The following DYM variants were observed in gnomAD, a reference collection of about 807,000 sequenced individuals.
DYM encodes the protein dymeclin, also known as dyggve-Melchior-Clausen syndrome protein.
A neutral mutation model predicts 93.1 loss-of-function variants in DYM; 78 were observed. That is an observed-to-expected ratio of 0.84 (90% CI 0.70 to 1.01). The LOEUF (loss-of-function observed/expected upper bound fraction) is 1.01, where lower values mean the gene tolerates loss of function less well. Among genes scored for constraint, DYM ranks in the 50% least tolerant of loss-of-function variants. The probability of loss-of-function intolerance (pLI) is 0.00; values close to 1 mark genes in which losing one functional copy is unlikely to be tolerated. For synonymous variants in DYM, 321 were observed against 319.7 expected, an observed-to-expected ratio of 1.00 and a Z score of -0.04; for missense variants, 789 against 845.0, an observed-to-expected ratio of 0.93 and a Z score of 0.82.
chr18:49,337,678 G>A (rs2063773382), intron 6 of DYM, among the ~76,000 whole-genome samples: 1 of 152,174 alleles, frequency 6.6e-6, no homozygotes, highest in South Asian at 2.1e-4. Context: ...TCCTAGTGAA[G>A]AGTCAGCGGA....
At chr18:49,317,646 C>CTCCTCTCCT (rs750848541) in intron 8 of DYM, among the ~76,000 whole-genome samples, 94 of 36,598 alleles carry the variant, frequency 2.6e-3, no homozygotes, top group African/African-American at 4.2e-3. Context: ...ATCCTCTCCT[C>CTCCTCTCCT]TCCTTCCTTC....
intron 15 of DYM, among the ~76,000 whole-genome samples, chr18:49,128,831 A>G (rs1047587481): frequency 1.3e-5 from 2 of 152,192 alleles, no homozygotes; most frequent in South Asian, 2.1e-4. Context: ...GAAGAAGAAA[A>G]TCCAAAAACC....
At chr18:49,184,086 G>T (rs531239503) in intron 14 of DYM, among the ~76,000 whole-genome samples, 1 of 152,220 alleles carries the variant, frequency 6.6e-6, no homozygotes, top group African/African-American at 2.4e-5. Flanking sequence ...TCAGTCTATG[G>T]TATTTTGTTA....
chr18:49,344,165 A>G (rs148960137), intron 6 of DYM, among the ~76,000 whole-genome samples: 105 of 152,314 alleles, frequency 6.9e-4, no homozygotes, highest in African/African-American at 2.3e-3. Flanking sequence ...TGGGTTCTAC[A>G]TATCTGGGGA....
chr18:49,390,391 G>C (rs1194650900), intron 3 of DYM, among the ~76,000 whole-genome samples: 3 of 151,822 alleles, frequency 2.0e-5, no homozygotes, highest in East Asian at 1.9e-4. Context: ...AATGGCACCA[G>C]TGCACTCCAG....
intron 8 of DYM, among the ~76,000 whole-genome samples, chr18:49,316,549 G>C (rs2061955218): frequency 6.6e-6 from 1 of 152,128 alleles, no homozygotes; most frequent in Non-Finnish European, 1.5e-5. Flanking sequence ...TTAAATAAAT[G>C]ATAGTAAATC....
At chr18:49,296,891 A>C (rs1300032619) in intron 8 of DYM, among the ~76,000 whole-genome samples, 2 of 152,194 alleles carry the variant, frequency 1.3e-5, no homozygotes, top group Non-Finnish European at 2.9e-5. Flanking sequence ...GATTATACTT[A>C]TGTGTATTAT....
chr18:49,202,642 G>A (rs993743378), intron 14 of DYM, among the ~76,000 whole-genome samples: 3 of 113,434 alleles, frequency 2.6e-5, no homozygotes, highest in African/African-American at 6.9e-5. Context: ...CCTCTGCCCC[G>A]CCGCCCCATC....
chr18:49,383,586 G>A (rs1468353252), intron 3 of DYM, among the ~76,000 whole-genome samples: 1 of 152,144 alleles, frequency 6.6e-6, no homozygotes, highest in East Asian at 1.9e-4. Context: ...AAGCAACAGA[G>A]GAAATAAACA....
At chr18:49,398,435 G>C (rs1179933008) in intron 2 of DYM, among the ~76,000 whole-genome samples, 1 of 152,180 alleles carries the variant, frequency 6.6e-6, no homozygotes, top group African/African-American at 2.4e-5. Flanking sequence ...CCAAGTCTTA[G>C]AGAATTTAGA....
intron 13 of DYM, among the ~76,000 whole-genome samples, chr18:49,239,636 CA>C (rs2093965404): frequency 6.6e-6 from 1 of 152,196 alleles, no homozygotes; most frequent in African/African-American, 2.4e-5. Context: ...AGCTTCATAG[CA>C]AGGTCACAAG....
At chr18:49,193,283 A>G (rs1568574185) in intron 14 of DYM, among the ~76,000 whole-genome samples, 3 of 152,088 alleles carry the variant, frequency 2.0e-5, no homozygotes. Context: ...AGCTATTATC[A>G]CCACTACTGG....
At chr18:49,141,944 C>G (rs1479192490) in intron 15 of DYM, among the ~76,000 whole-genome samples, 1 of 152,092 alleles carries the variant, frequency 6.6e-6, no homozygotes, top group Non-Finnish European at 1.5e-5. Flanking sequence ...AGCTCTGCCC[C>G]CCGGGTTCAT....
In DYM at chr18:49,397,562, T is replaced by C. The variant is rs547122796; in HGVS notation, c.141-5917A>G. On this transcript the variant is annotated intron_variant, in intron 2 of 17. Coordinates refer to ENST00000675505, the MANE Select transcript of DYM (RefSeq NM_001353214.3). ...TAAATCCTCCAAATGGGCAACTCTT[T>C]TGTACCAGCTTTAAAACCCATACCC... is the stretch of plus-strand genomic sequence containing the variant. Among the ~76,000 whole-genome samples, 29 of 152,362 alleles carry C rather than the reference T, an allele frequency of 1.9e-4. 1 individual carries two copies. In the South Asian group the frequency reaches 5.8e-3, roughly 30 times the overall value.
intron 15 of DYM, among the ~76,000 whole-genome samples, chr18:49,124,766 CAAT>C (rs758207539): frequency 2.4e-4 from 36 of 152,250 alleles, no homozygotes; most frequent in Non-Finnish European, 4.7e-4. Flanking sequence ...AATTGGCTAA[CAAT>C]ATACTGTGGG....
At chr18:49,187,127 G>A (rs1438061700) in intron 14 of DYM, among the ~76,000 whole-genome samples, 2 of 151,948 alleles carry the variant, frequency 1.3e-5, no homozygotes, top group Non-Finnish European at 2.9e-5. Flanking sequence ...CACTGTGTTA[G>A]CCAGGATAGT....
intron 5 of DYM, among the ~76,000 whole-genome samples, chr18:49,369,087 C>T (rs1006785560): frequency 9.9e-5 from 15 of 152,174 alleles, no homozygotes; most frequent in Admixed American, 9.2e-4. Context: ...CACTAGGGGA[C>T]GCTGAAATGT....
At chr18:49,367,851 T>C (rs562035331) in intron 5 of DYM, among the ~76,000 whole-genome samples, 1 of 152,212 alleles carries the variant, frequency 6.6e-6, no homozygotes. Flanking sequence ...CAGAATAAAA[T>C]TGGCTTCTTT....
intron 15 of DYM, among the ~76,000 whole-genome samples, chr18:49,141,280 T>C (rs2084466362): frequency 6.6e-6 from 1 of 152,198 alleles, no homozygotes; most frequent in Admixed American, 6.5e-5. Flanking sequence ...CACTTAGCCC[T>C]TTAAGTCACT....
Sources: gnomAD v4.1 joint callset for allele counts (sites outside exome capture counted in the v4.1 genomes callset) on GRCh38, gnomAD v4.1.1 for gene constraint, MANE v1.5 for transcripts, NCBI Gene and HGNC (gene_info 2026-07-23, HGNC 2026-07-21) for gene names.